The following VPS52 variants were observed in gnomAD, a reference collection of about 807,000 sequenced individuals.
VPS52 encodes VPS52 subunit of GARP complex.
A neutral mutation model predicts 98.7 loss-of-function variants in VPS52; 56 were observed. That is an observed-to-expected ratio of 0.57 (90% CI 0.46 to 0.71). The LOEUF (loss-of-function observed/expected upper bound fraction) is 0.71. Ranked by LOEUF, VPS52 falls within the 30% of genes least tolerant of loss-of-function variation. The pLI is 0.00. For missense variants in VPS52, 742 were observed against 925.9 expected, an observed-to-expected ratio of 0.80 and a Z score of 2.58; for synonymous variants, 348 against 346.4, an observed-to-expected ratio of 1.00 and a Z score of -0.05.
chr6:33,266,701 C>T lies in VPS52; in HGVS notation c.1137G>A (p.Glu379=). ...CGTAGTGCTGGCTGCGGAAGAGGGCCTCAAATGGATACTGGGAGAGGAGGA... is the reference window on the plus strand; with the variant it reads ...CGTAGTGCTGGCTGCGGAAGAGGGCTTCAAATGGATACTGGGAGAGGAGGA... ...AQRGEQRYPF[E]ALFRSQHYAL... is the part of the protein sequence containing the mutation. Residue 379 remains glutamate, a synonymous_variant, in exon 12 of 20, where the codon GAG becomes GAA. Transcript: ENST00000445902. The T allele has an allele frequency of 1.2e-6, 2 of 1,609,726 alleles. No homozygotes were observed. Among genetic ancestry groups the T allele is most frequent in the Non-Finnish European group, 1.7e-6 (2 of 1,178,290 alleles).
intron 17 of VPS52, among the ~76,000 whole-genome samples, chr6:33,258,617 C>G (rs1046653935): frequency 6.6e-6 from 1 of 152,134 alleles, no homozygotes; most frequent in Non-Finnish European, 1.5e-5. Flanking sequence ...GAGAGTCACG[C>G]TCTGTAACTG....
chr6:33,267,110 C>A lies in VPS52; in HGVS notation c.1125+78G>T. 2 of 1,433,962 alleles carry A rather than the reference C, an allele frequency of 1.4e-6. No individual in the cohort carries two copies. The highest frequency in any genetic ancestry group is 2.5e-5 in the East Asian group (1 of 40,576). The allele number at this position is 1,433,962 out of a possible 1,614,324, so 88.8% of individuals were successfully genotyped here. ...AAGACAGGGCCTGCAGGTTGGGAAG[C>A]TCTGCCCTGAGGTCTGGCCTTCCCT... On this transcript the variant is annotated intron_variant, in intron 11 of 19. Coordinates refer to ENST00000445902, the MANE Select transcript of VPS52 (RefSeq NM_022553.6). The surrounding 1 kb of genome is among the most constrained non-coding windows in gnomAD (Gnocchi z 4.2).
Position 33,264,382 on chromosome 6 carries a change from G to A in VPS52, c.1516C>T (p.Pro506Ser), listed in dbSNP as rs1562559736. 1.9e-6 allele frequency: 3 copies of A among 1,614,098 alleles called. No homozygotes were observed. The highest frequency in any genetic ancestry group is 1.7e-6 in the Non-Finnish European group (2 of 1,180,008). ...PQRLGGLDTRPHYITRRYAEF... is the reference protein window; with the variant it reads ...PQRLGGLDTRSHYITRRYAEF... ...CCCTTGCCCTCCCTCACATAGTGGGGCCGAGTATCCAACCCCCCTAGGCGC... is the reference window on the plus strand; with the variant it reads ...CCCTTGCCCTCCCTCACATAGTGGGACCGAGTATCCAACCCCCCTAGGCGC... The change falls in exon 14 of 20, where the codon CCC becomes TCC. Residue 506 changes from proline to serine, a missense_variant. Transcript: ENST00000445902.
At chr6:33,270,461 G>A (rs1461252801) in intron 1 of VPS52, among the ~76,000 whole-genome samples, 178 bp from the exon 2 acceptor site, 2 of 152,118 alleles carry the variant, frequency 1.3e-5, no homozygotes, top group Non-Finnish European at 2.9e-5. Context: ...TGTGCTGATG[G>A]GTAAGGAATA....
chr6:33,268,100 G>T lies in VPS52; in HGVS notation c.800+8C>A, dbSNP rs979910864. 6 of 1,612,958 alleles carry T rather than the reference G, an allele frequency of 3.7e-6. No homozygotes were observed. Among genetic ancestry groups the T allele is most frequent in the African/African-American group, 1.3e-5 (1 of 74,920 alleles). ...AGGCCATCCCATGCACTTCCTTGGG[G>T]TTGTGACCTGTACTTCAGCAGGGCC... On this transcript the variant is annotated splice_region_variant and intron_variant, in intron 8 of 19. Coordinates refer to ENST00000445902, the MANE Select transcript of VPS52 (RefSeq NM_022553.6). This position sits in a 1 kb window ranked among gnomAD's most constrained non-coding sequence, Gnocchi z 4.0.
intron 1 of VPS52, among the ~76,000 whole-genome samples, chr6:33,270,650 G>A (rs1732302335): frequency 1.3e-5 from 2 of 152,110 alleles, no homozygotes; most frequent in African/African-American, 2.4e-5. Context: ...AAAGGTAAAA[G>A]ACAAGACAGT....
rs1397383878 is a variant in VPS52, at chr6:33,266,690, C to T, written c.1148G>A (p.Arg383His). 5 of 1,610,358 alleles carry T rather than the reference C, an allele frequency of 3.1e-6. No homozygotes were observed. The highest frequency in any genetic ancestry group is 1.1e-5 in the South Asian group (1 of 90,804). The change falls in exon 12 of 20, where the codon CGC (arginine) becomes CAC (histidine). Residue 383 changes from arginine (R) to histidine (H), a missense_variant. Around this residue, in one of 2 missense-constraint regions of VPS52, gnomAD observed 590 missense variants for 793.3 expected, o/e 0.74. Coordinates refer to ENST00000445902, the MANE Select transcript of VPS52 (RefSeq NM_022553.6). The stretch of plus-strand genomic sequence containing the variant: ...GTCTAGGAGGGCGTAGTGCTGGCTG[C>T]GGAAGAGGGCCTCAAATGGATACTG... ...EQRYPFEALF[R>H]SQHYALLDNS... is the part of the protein sequence containing the mutation.
At position 33,268,813 on chromosome 6, in the gene VPS52, C is replaced by T. The variant is rs1007099546; in HGVS notation, c.549-164G>A. Reference sequence around the variant, plus strand: ...AAAGTTTTCTATTCCTGGACCTCCCCACTATACACCTGATCTTACATCATT... The same window carrying T: ...AAAGTTTTCTATTCCTGGACCTCCCTACTATACACCTGATCTTACATCATT... On this transcript the variant is annotated intron_variant, in intron 6 of 19. Transcript: ENST00000445902. The surrounding 1 kb of genome is among the most constrained non-coding windows in gnomAD (Gnocchi z 4.0). Among the ~76,000 whole-genome samples the T allele has an allele frequency of 6.6e-6, 1 of 152,216 alleles. No individual in the cohort carries two copies. The highest frequency in any genetic ancestry group is 1.5e-5 in the Non-Finnish European group (1 of 68,040).
chr6:33,260,606 T>TA (rs1022701533), intron 17 of VPS52, among the ~76,000 whole-genome samples: 2 of 152,214 alleles, frequency 1.3e-5, no homozygotes, highest in Non-Finnish European at 2.9e-5. Flanking sequence ...ATTTATTGTG[T>TA]TCTTGCTTTT....
Position 33,266,606 on chromosome 6 carries a change from G to A in VPS52, c.1232C>T (p.Ala411Val), listed in dbSNP as rs1353953575. 1.2e-6 allele frequency: 2 copies of A among 1,612,742 alleles called. No individual in the cohort carries two copies. The highest frequency in any genetic ancestry group is 2.7e-5 in the African/African-American group (2 of 74,890). ...CEFFVVSGPAAHDLFHAVMGR... is the reference protein window; with the variant it reads ...CEFFVVSGPAVHDLFHAVMGR... Reference sequence around the variant, plus strand: ...CATGACAGCATGGAACAGGTCGTGTGCAGCTGGGCCAGACACAACAAAAAA... The same window carrying A: ...CATGACAGCATGGAACAGGTCGTGTACAGCTGGGCCAGACACAACAAAAAA... Residue 411 changes from alanine to valine, a missense_variant, in exon 12 of 20, where the codon GCA becomes GTA. By Grantham distance (64) the Ala-to-Val change is moderately conservative (BLOSUM62 0). This residue lies in a region of VPS52 where 590 missense variants were observed against 793.3 expected (regional missense o/e 0.74). Transcript: ENST00000445902.
intron 12 of VPS52, among the ~76,000 whole-genome samples, chr6:33,265,373 G>C (rs1425337512): frequency 1.3e-5 from 2 of 152,008 alleles, no homozygotes; most frequent in Non-Finnish European, 2.9e-5. Context: ...ACTGCACCCG[G>C]TGTTTTCGGC....
chr6:33,266,512 A>C, intron 12 of VPS52, 45 bp downstream of exon 12: 1 of 1,521,540 alleles, frequency 6.6e-7, no homozygotes, highest in Non-Finnish European at 8.9e-7. Context: ...GCTGATGAAG[A>C]CTGGGGACAA....
At chr6:33,259,106 C>G (rs1364418293) in intron 17 of VPS52, among the ~76,000 whole-genome samples, 1 of 152,130 alleles carries the variant, frequency 6.6e-6, no homozygotes, top group Non-Finnish European at 1.5e-5. Context: ...TAAACAGTTG[C>G]AATGGCGGCC....
intron 17 of VPS52, 100 bp downstream of exon 17, chr6:33,263,384 T>TACACACACACACACACACAC (rs878982754): frequency 5.4e-4 from 307 of 571,554 alleles, no homozygotes; most frequent in South Asian, 1.6e-3. Flanking sequence ...TGCCACTCCC[T>TACACACACACACACACACAC]ACACACACAC....
At chr6:33,255,426 G>A (rs1294502554) in intron 17 of VPS52, among the ~76,000 whole-genome samples, 1 of 145,016 alleles carries the variant, frequency 6.9e-6, no homozygotes, top group Non-Finnish European at 1.5e-5. Flanking sequence ...AGCCTCCCAA[G>A]CAGCTAGAAC....
Position 33,271,859 on chromosome 6 carries a change from A to G in VPS52, c.-184T>C. On this transcript the variant is annotated 5_prime_UTR_variant, in exon 1 of 20. Coordinates refer to ENST00000445902, the MANE Select transcript of VPS52 (RefSeq NM_022553.6). ...CACCCAACTGCAAATGGAAATATGG[A>G]AGTCTGAAACACAAACTAGCCCCGG... 1.5e-6 allele frequency: 2 copies of G among 1,341,976 alleles called. No homozygotes were observed. Among genetic ancestry groups the G allele is most frequent in the South Asian group, 1.5e-5 (1 of 65,426 alleles). The allele number at this position is 1,341,976 out of a possible 1,614,324, so 83.1% of individuals were successfully genotyped here.
At chr6:33,253,560 T>C (rs1325358359) in intron 17 of VPS52, among the ~76,000 whole-genome samples, 1 of 151,216 alleles carries the variant, frequency 6.6e-6, no homozygotes, top group African/African-American at 2.4e-5. Flanking sequence ...TTAGATAAGA[T>C]AATTTTTTTA....
rs1562586685 is a variant in VPS52, at chr6:33,271,789, T to C, written c.-114A>G. ...GCGAAATCGTTCCCAGATATTTGAGTTAAGTTGTTTGACTCCAGCTGTCCC... is the reference window on the plus strand; with the variant it reads ...GCGAAATCGTTCCCAGATATTTGAGCTAAGTTGTTTGACTCCAGCTGTCCC... On this transcript the variant is annotated 5_prime_UTR_variant, in exon 1 of 20. Coordinates refer to ENST00000445902, the MANE Select transcript of VPS52 (RefSeq NM_022553.6). 2 of 1,465,936 alleles carry C rather than the reference T, an allele frequency of 1.4e-6. No homozygotes were observed. Among genetic ancestry groups the C allele is most frequent in the Non-Finnish European group, 1.8e-6 (2 of 1,108,334 alleles). The allele number at this position is 1,465,936 out of a possible 1,614,324, so 90.8% of individuals were successfully genotyped here. A position where few individuals can be genotyped will look rare whatever the true frequency, so the allele number is the denominator to read the frequency against.
chr6:33,261,315 A>C (rs1763608524), intron 17 of VPS52, among the ~76,000 whole-genome samples: 1 of 151,856 alleles, frequency 6.6e-6, no homozygotes, highest in Non-Finnish European at 1.5e-5. Flanking sequence ...AAAAACACAA[A>C]AACTAGCCCG....
Sources: gnomAD v4.1 joint callset for allele counts (sites outside exome capture counted in the v4.1 genomes callset) on GRCh38, gnomAD v4.1.1 for gene constraint, gnomAD v4.1.1 regional missense constraint, Gnocchi (gnomAD v3.1) non-coding constraint, MANE v1.5 for transcripts, NCBI Gene and HGNC (gene_info 2026-07-23, HGNC 2026-07-21) for gene names.